NALF1: variants seen among roughly 807,000 people sequenced by gnomAD.
NALF1 encodes family with sequence similarity 155 member A.
A neutral mutation model predicts 48.4 loss-of-function variants in NALF1; 3 were observed. The observed-to-expected ratio is 0.06, with a 90% CI of 0.03 to 0.16. The LOEUF is 0.16. NALF1 is among the 10% of genes least tolerant of loss of function. NALF1 has a pLI of 1.00. For synonymous variants in NALF1, 262 were observed against 245.7 expected (o/e 1.07, Z -0.62); for missense variants, 526 against 571.5 (o/e 0.92, Z 0.81).
intron 1 of NALF1, among the ~76,000 whole-genome samples, chr13:107,337,381 C>T (rs1040609245): frequency 1.3e-5 from 2 of 152,118 alleles, no homozygotes; most frequent in African/African-American, 4.8e-5. Flanking sequence ...CATTTTTAAA[C>T]ATTTATGTTT....
At chr13:107,489,808 A>G (rs1885387370) in intron 1 of NALF1, among the ~76,000 whole-genome samples, 1 of 151,404 alleles carries the variant, frequency 6.6e-6, no homozygotes, top group African/African-American at 2.4e-5. Flanking sequence ...CAGACAACCC[A>G]TGGAATGGGA....
At chr13:107,864,765 C>A (rs1880664490) in intron 1 of NALF1, among the ~76,000 whole-genome samples, 1 of 152,188 alleles carries the variant, frequency 6.6e-6, no homozygotes, top group Non-Finnish European at 1.5e-5. Context: ...TTAAAACCTG[C>A]GCCTATTGTT....
chr13:107,754,937 A>G (rs1001722352), intron 1 of NALF1, among the ~76,000 whole-genome samples: 1 of 152,126 alleles, frequency 6.6e-6, no homozygotes, highest in Admixed American at 6.6e-5. Context: ...TTTTCCTCGA[A>G]TTTATTTTAT....
chr13:107,325,957 T>C (rs1339299454), intron 1 of NALF1, among the ~76,000 whole-genome samples: 3 of 146,146 alleles, frequency 2.1e-5, no homozygotes, highest in Non-Finnish European at 3.0e-5. Context: ...TACATATATA[T>C]ACACACATAT....
intron 1 of NALF1, among the ~76,000 whole-genome samples, chr13:107,538,176 T>C (rs1276943533): frequency 6.6e-6 from 1 of 152,210 alleles, no homozygotes; most frequent in Non-Finnish European, 1.5e-5. Context: ...TCTTCTATTT[T>C]CTACATCTGA....
rs1879823036 is a variant in NALF1, at chr13:107,214,054, A to G, written c.916-3299T>C. On this transcript the variant is annotated intron_variant, in intron 1 of 2. Transcript: ENST00000375915. Reference sequence around the variant, plus strand: ...GAGATGCATAGAAATACAATGAGCTATCTTCAAATGTGCCGAGTTCTCTAG... The same window carrying G: ...GAGATGCATAGAAATACAATGAGCTGTCTTCAAATGTGCCGAGTTCTCTAG... Among the ~76,000 whole-genome samples the G allele has an allele frequency of 2.6e-5, 4 of 152,238 alleles. No homozygotes were observed. In the South Asian group the frequency reaches 8.3e-4, roughly 32 times the overall value.
At chr13:107,293,390 G>T (rs932812570) in intron 1 of NALF1, among the ~76,000 whole-genome samples, 1 of 152,068 alleles carries the variant, frequency 6.6e-6, no homozygotes, top group South Asian at 2.1e-4. Context: ...ATTCATTTTG[G>T]TATTTTTTAG....
chr13:107,535,658 A>C lies in NALF1; in HGVS notation c.916-324903T>G, dbSNP rs547951084. ...TGAAAATGGCCGTACTGCCCAAGGT[A>C]ATTTATAGATTTAATGCCATCCCCA... On this transcript the variant is annotated intron_variant, in intron 1 of 2. Transcript: ENST00000375915. Among the ~76,000 whole-genome samples, 5 of 152,272 alleles carry C rather than the reference A, an allele frequency of 3.3e-5. No homozygotes were observed. In the East Asian group the frequency reaches 9.7e-4, roughly 29 times the overall value.
intron 1 of NALF1, among the ~76,000 whole-genome samples, chr13:107,396,285 T>C (rs1413410391): frequency 6.6e-6 from 1 of 152,088 alleles, no homozygotes; most frequent in African/African-American, 2.4e-5. Context: ...GGCATCAACA[T>C]AAAAATGTGA....
At chr13:107,522,364 T>C (rs933868690) in intron 1 of NALF1, among the ~76,000 whole-genome samples, 3 of 152,190 alleles carry the variant, frequency 2.0e-5, no homozygotes, top group African/African-American at 4.8e-5. Flanking sequence ...TTACAGTGTT[T>C]CTCTCCAATA....
chr13:107,684,911 C>T (rs1190314062), intron 1 of NALF1, among the ~76,000 whole-genome samples: 3 of 152,148 alleles, frequency 2.0e-5, no homozygotes, highest in African/African-American at 7.2e-5. Flanking sequence ...CTAGTTACAC[C>T]CTTTCCTTCC....
intron 1 of NALF1, among the ~76,000 whole-genome samples, chr13:107,341,722 T>C (rs1882685349): frequency 1.3e-5 from 2 of 151,338 alleles, no homozygotes; most frequent in East Asian, 3.9e-4. Flanking sequence ...TATATATGGA[T>C]AGAGTATATA....
At chr13:107,618,588 C>T (rs59915533) in intron 1 of NALF1, among the ~76,000 whole-genome samples, 2,516 of 152,104 alleles carry the variant, frequency 0.017, 75 homozygotes, top group African/African-American at 0.058. Flanking sequence ...TGGCAGTGGC[C>T]GGACCGGGAT....
chr13:107,754,200 C>T (rs1877019698), intron 1 of NALF1, among the ~76,000 whole-genome samples: 1 of 152,040 alleles, frequency 6.6e-6, no homozygotes, highest in Non-Finnish European at 1.5e-5. Flanking sequence ...TATTTTTGTA[C>T]TTATTCAGTA....
intron 1 of NALF1, among the ~76,000 whole-genome samples, chr13:107,510,883 T>A (rs1212627959): frequency 6.6e-6 from 1 of 152,188 alleles, no homozygotes; most frequent in South Asian, 2.1e-4. Context: ...ACAGCTTTAG[T>A]TTCACTCGAG....
intron 1 of NALF1, among the ~76,000 whole-genome samples, chr13:107,340,878 G>A (rs1486051118): frequency 6.6e-6 from 1 of 152,106 alleles, no homozygotes; most frequent in Non-Finnish European, 1.5e-5. Context: ...TATCTGTGAA[G>A]CTTGGACAAG....
At chr13:107,359,667 G>C (rs1157183451) in intron 1 of NALF1, among the ~76,000 whole-genome samples, 1 of 136,140 alleles carries the variant, frequency 7.3e-6, no homozygotes, top group African/African-American at 2.7e-5. Flanking sequence ...TTTCTCTCTA[G>C]TTTAGGAACC....
intron 1 of NALF1, among the ~76,000 whole-genome samples, chr13:107,604,479 G>A (rs1213280486): frequency 6.6e-6 from 1 of 152,072 alleles, no homozygotes; most frequent in Non-Finnish European, 1.5e-5. Flanking sequence ...TTCATTTCTT[G>A]GGAAACGTAT....
chr13:107,682,725 T>C (rs925258594), intron 1 of NALF1, among the ~76,000 whole-genome samples: 1 of 152,118 alleles, frequency 6.6e-6, no homozygotes, highest in East Asian at 1.9e-4. Flanking sequence ...AGCCGACCTT[T>C]GCCTTGCCTA....
Sources: gnomAD v4.1 joint callset for allele counts (sites outside exome capture counted in the v4.1 genomes callset) on GRCh38, gnomAD v4.1.1 for gene constraint, MANE v1.5 for transcripts, NCBI Gene and HGNC (gene_info 2026-07-23, HGNC 2026-07-21) for gene names.